Variants in PXDNL observed in about 807,000 individuals in gnomAD.
The protein encoded by PXDNL is probable oxidoreductase PXDNL.
Under a neutral mutation model 150.8 loss-of-function variants are expected in PXDNL, and 145 were observed. The observed-to-expected ratio is 0.96, with a 90% CI of 0.84 to 1.10. The LOEUF (loss-of-function observed/expected upper bound fraction) is 1.10. PXDNL is among the 50% of genes least tolerant of loss of function. PXDNL has a pLI of 0.00. For synonymous variants in PXDNL, 757 were observed against 725.7 expected (o/e 1.04, Z -0.69); for missense variants, 2,087 against 1,873.9 (o/e 1.11, Z -2.10).
intron 21 of PXDNL, among the ~76,000 whole-genome samples, chr8:51,331,186 C>T (rs1805675110): frequency 6.6e-6 from 1 of 152,162 alleles, no homozygotes; most frequent in Non-Finnish European, 1.5e-5. Context: ...GGAAACCCTC[C>T]TTTCCCGGAC....
intron 1 of PXDNL, among the ~76,000 whole-genome samples, chr8:51,772,613 C>T (rs2037310581): frequency 6.6e-6 from 1 of 152,108 alleles, no homozygotes; most frequent in Non-Finnish European, 1.5e-5. Context: ...GCTGAGGATC[C>T]TAAGTTCGGG....
intron 4 of PXDNL, among the ~76,000 whole-genome samples, chr8:51,516,876 A>G (rs1811552314): frequency 6.6e-6 from 1 of 152,220 alleles, no homozygotes. Flanking sequence ...TCAACACCAA[A>G]GCCTGATAAA....
intron 3 of PXDNL, among the ~76,000 whole-genome samples, chr8:51,579,905 A>C (rs953875660): frequency 1.3e-5 from 2 of 151,978 alleles, no homozygotes; most frequent in African/African-American, 4.8e-5. Flanking sequence ...GATGGTTTCC[A>C]GTTGACGAGT....
intron 2 of PXDNL, among the ~76,000 whole-genome samples, chr8:51,647,134 T>G (rs1481252380): frequency 6.6e-6 from 1 of 152,068 alleles, no homozygotes; most frequent in Non-Finnish European, 1.5e-5. Flanking sequence ...GTAACATAAA[T>G]TGAGGCAAAG....
chr8:51,368,634 A>T (rs1806992475), intron 19 of PXDNL, among the ~76,000 whole-genome samples: 1 of 152,170 alleles, frequency 6.6e-6, no homozygotes, highest in Admixed American at 6.5e-5. Flanking sequence ...AACCACTAGG[A>T]CTGCTTGGAG....
chr8:51,594,439 A>G (rs1813519328), intron 2 of PXDNL, among the ~76,000 whole-genome samples: 1 of 152,222 alleles, frequency 6.6e-6, no homozygotes, highest in African/African-American at 2.4e-5. Context: ...CGGAAAAGAT[A>G]TTACATACCA....
intron 19 of PXDNL, among the ~76,000 whole-genome samples, chr8:51,352,918 CAG>C (rs1806396767): frequency 6.6e-6 from 1 of 152,018 alleles, no homozygotes; most frequent in East Asian, 1.9e-4. Flanking sequence ...CATGGATAGA[CAG>C]AGTGGAATAA....
At chr8:51,576,249 T>A (rs1021035778) in intron 3 of PXDNL, among the ~76,000 whole-genome samples, 1 of 148,548 alleles carries the variant, frequency 6.7e-6, no homozygotes, top group Admixed American at 6.7e-5. Flanking sequence ...CCTTTTTGAG[T>A]TCCCTGAGAA....
chr8:51,577,990 A>AGAAG (rs1813109786), intron 3 of PXDNL, among the ~76,000 whole-genome samples: 4 of 72,472 alleles, frequency 5.5e-5, no homozygotes, highest in African/African-American at 2.1e-4. Context: ...AAAGAAAGAA[A>AGAAG]GAAAGAAAGA....
chr8:51,638,782 G>A (rs547857111), intron 2 of PXDNL, among the ~76,000 whole-genome samples: 151 of 152,144 alleles, frequency 9.9e-4, no homozygotes, highest in Non-Finnish European at 1.9e-3. Context: ...GTCAACATTA[G>A]ACAGATCAAC....
intron 4 of PXDNL, among the ~76,000 whole-genome samples, chr8:51,556,279 GATA>G (rs1812598212): frequency 1.1e-5 from 1 of 91,056 alleles, no homozygotes; most frequent in South Asian, 2.9e-4. Flanking sequence ...TAATAATAAT[GATA>G]ATAATAATTA....
intron 3 of PXDNL, among the ~76,000 whole-genome samples, chr8:51,573,777 C>G (rs980221617): frequency 2.6e-5 from 4 of 152,012 alleles, no homozygotes; most frequent in Non-Finnish European, 5.9e-5. Flanking sequence ...ATGTCAAAGT[C>G]TTTACCCCCA....
intron 4 of PXDNL, among the ~76,000 whole-genome samples, chr8:51,501,430 A>T (rs1167220704): frequency 1.3e-5 from 2 of 150,632 alleles, no homozygotes; most frequent in African/African-American, 2.5e-5. Context: ...ATACCCACAC[A>T]TGCTCACACT....
rs190213614 is a variant in PXDNL, at chr8:51,592,322, T to A, written c.308+305A>T. Among the ~76,000 whole-genome samples the A allele has an allele frequency of 5.0e-3, 768 of 152,336 alleles. 3 individuals are homozygous for A. Among genetic ancestry groups the A allele is most frequent in the African/African-American group, 6.9e-3 (288 of 41,588 alleles). Reference sequence around the variant, plus strand: ...CTTTTCTGTGTGTATGGAATTTTTTTAAATTACTGAGTAATTAAATTTGAA... The same window carrying A: ...CTTTTCTGTGTGTATGGAATTTTTTAAAATTACTGAGTAATTAAATTTGAA... On this transcript the variant is annotated intron_variant, in intron 3 of 22. Coordinates refer to ENST00000356297, the MANE Select transcript of PXDNL (RefSeq NM_144651.5).
At chr8:51,796,610 C>T (rs2037563919) in intron 1 of PXDNL, among the ~76,000 whole-genome samples, 1 of 152,106 alleles carries the variant, frequency 6.6e-6, no homozygotes, top group South Asian at 2.1e-4. Context: ...TACACCCTTT[C>T]AAGACTAAAC....
chr8:51,461,557 A>T (rs1191029684), intron 8 of PXDNL, among the ~76,000 whole-genome samples: 1 of 152,226 alleles, frequency 6.6e-6, no homozygotes, highest in African/African-American at 2.4e-5. Flanking sequence ...CATAGCCAAA[A>T]CAACTCCACC....
chr8:51,737,324 G>A (rs1368207774), intron 1 of PXDNL, among the ~76,000 whole-genome samples: 2 of 152,130 alleles, frequency 1.3e-5, no homozygotes, highest in South Asian at 2.1e-4. Context: ...TTTGTTCTGC[G>A]ACTTCATATG....
At chr8:51,340,148 C>T (rs557886393) in intron 20 of PXDNL, 4 of 154,194 alleles carry the variant, frequency 2.6e-5, no homozygotes, top group African/African-American at 7.2e-5. Context: ...TATCCAGTAG[C>T]CAGGTAGGGA....
intron 18 of PXDNL, among the ~76,000 whole-genome samples, chr8:51,372,823 A>G (rs1586045092): frequency 6.6e-6 from 1 of 152,402 alleles, no homozygotes; most frequent in South Asian, 2.1e-4. Context: ...ACTAACTAGA[A>G]TAAGCACATT....
Sources: gnomAD v4.1 joint callset for allele counts (sites outside exome capture counted in the v4.1 genomes callset) on GRCh38, gnomAD v4.1.1 for gene constraint, MANE v1.5 for transcripts, NCBI Gene and HGNC (gene_info 2026-07-23, HGNC 2026-07-21) for gene names.